SLC35F2: variants seen among roughly 807,000 people sequenced by gnomAD.
SLC35F2 encodes solute carrier family 35 member F2.
SLC35F2 carries 25 observed loss-of-function variants against 38.1 expected under a neutral mutation model. The observed-to-expected ratio is 0.66, with a 90% confidence interval of 0.48 to 0.92. SLC35F2 has a LOEUF of 0.92. SLC35F2 is among the 40% of genes least tolerant of loss of function. The pLI is 0.00. For synonymous variants in SLC35F2, 173 were observed against 181.7 expected (o/e 0.95, Z 0.38); for missense variants, 409 against 452.9 (o/e 0.90, Z 0.88).
chr11:107,791,170 A>G lies in SLC35F2; in HGVS notation c.*1445T>C, dbSNP rs991354068. ...AGAAGTATCATAAAAATCACAGGGC[A>G]TTACAGATTTTTGATAAGAAGTAGT... On this transcript the variant is annotated 3_prime_UTR_variant, in exon 8 of 8. Transcript: ENST00000525815. The G allele has an allele frequency of 1.4e-5, 2 of 145,968 alleles. No individual in the cohort carries two copies. The highest frequency in any genetic ancestry group is 1.9e-4 in the East Asian group (1 of 5,198). The allele number at this position is 145,968 out of a possible 1,614,324, so 9.0% of individuals were successfully genotyped here.
intron 1 of SLC35F2, among the ~76,000 whole-genome samples, chr11:107,830,683 G>A (rs1565436785): frequency 6.6e-6 from 1 of 151,222 alleles, no homozygotes; most frequent in Non-Finnish European, 1.5e-5. Flanking sequence ...AACCCTACAT[G>A]TACCCATGCC....
intron 1 of SLC35F2, among the ~76,000 whole-genome samples, chr11:107,820,704 C>T (rs1859654880): frequency 6.6e-6 from 1 of 152,136 alleles, no homozygotes; most frequent in African/African-American, 2.4e-5. Context: ...GCCTGTAATC[C>T]CACCACTTTG....
rs570512596 is a variant in SLC35F2, at chr11:107,843,375, C to T, written c.110+15283G>A. On this transcript the variant is annotated intron_variant, in intron 1 of 7. Transcript: ENST00000525815. ...CTGAGGTCGGGAGTTCAAGACCAGACTGACCAACATGGAGAAACCCCATCT... is the reference window on the plus strand; with the variant it reads ...CTGAGGTCGGGAGTTCAAGACCAGATTGACCAACATGGAGAAACCCCATCT... Among the ~76,000 whole-genome samples, 147 of 149,632 alleles carry T rather than the reference C, an allele frequency of 9.8e-4. 1 individual carries two copies. Among genetic ancestry groups the T allele is most frequent in the Non-Finnish European group, 1.7e-3 (114 of 67,360 alleles).
At chr11:107,815,715 TAG>T (rs1859561328) in intron 2 of SLC35F2, 73 bp downstream of exon 2, 6 of 1,490,526 alleles carry the variant, frequency 4.0e-6, no homozygotes, top group Admixed American at 4.3e-5. Context: ...TCACAGAATT[TAG>T]AGGTGTCATA....
chr11:107,802,242 A>AAAAAAAAAATAAAATAAAT (rs559048077), intron 7 of SLC35F2, among the ~76,000 whole-genome samples: 4 of 147,892 alleles, frequency 2.7e-5, no homozygotes, highest in South Asian at 2.1e-4. Context: ...CATCTCAAAA[A>AAAAAAAAAATAAAATAAAT]AAATAAATAA....
At chr11:107,829,570 A>G (rs1332832927) in intron 1 of SLC35F2, among the ~76,000 whole-genome samples, 1 of 152,020 alleles carries the variant, frequency 6.6e-6, no homozygotes, top group South Asian at 2.1e-4. Context: ...AGCTATATGA[A>G]ATAAACTTCT....
At chr11:107,844,206 C>G (rs181622623) in intron 1 of SLC35F2, among the ~76,000 whole-genome samples, 257 of 152,176 alleles carry the variant, frequency 1.7e-3, no homozygotes, top group Middle Eastern at 0.01. Context: ...GAGGGGGAAG[C>G]CTGGTTGCAT....
chr11:107,801,459 TAAC>T (rs1227953962), intron 7 of SLC35F2, among the ~76,000 whole-genome samples: 3 of 152,160 alleles, frequency 2.0e-5, no homozygotes, highest in Admixed American at 2.0e-4. Flanking sequence ...ATAAAAATGA[TAAC>T]ATGATGAATT....
chr11:107,802,330 A>AT (rs80253149), intron 7 of SLC35F2, among the ~76,000 whole-genome samples: 6,414 of 152,178 alleles, frequency 0.042, 399 homozygotes, highest in East Asian at 0.28. Context: ...TGAGGATGTT[A>AT]TTTTTTCAAA....
intron 2 of SLC35F2, among the ~76,000 whole-genome samples, chr11:107,815,368 GGCAAA>G (rs1859551918): frequency 6.8e-6 from 1 of 147,530 alleles, no homozygotes; most frequent in African/African-American, 2.5e-5. Flanking sequence ...AGCGCAACAT[GGCAAA>G]AACCCATCTC....
At chr11:107,858,404 C>T (rs1291654910) in intron 1 of SLC35F2, 1 of 343,116 alleles carries the variant, frequency 2.9e-6, no homozygotes. Context: ...GGGTGGGTTT[C>T]CCCCCAAATC....
intron 7 of SLC35F2, among the ~76,000 whole-genome samples, chr11:107,794,893 C>T (rs1027897948): frequency 6.6e-6 from 1 of 152,068 alleles, no homozygotes; most frequent in Non-Finnish European, 1.5e-5. Flanking sequence ...AATCAGTAGC[C>T]TTTCTATACA....
At chr11:107,857,145 G>T (rs190667613) in intron 1 of SLC35F2, among the ~76,000 whole-genome samples, 1 of 142,512 alleles carries the variant, frequency 7.0e-6, no homozygotes, top group East Asian at 2.2e-4. Context: ...GGAAGGGAGG[G>T]AGGGAGACTG....
intron 1 of SLC35F2, among the ~76,000 whole-genome samples, chr11:107,851,435 C>T (rs1860183448): frequency 6.7e-6 from 1 of 148,340 alleles, no homozygotes; most frequent in South Asian, 2.1e-4. Flanking sequence ...TCCACTCCAG[C>T]CTGGGTGACA....
At chr11:107,799,815 G>A (rs1439399657) in intron 7 of SLC35F2, among the ~76,000 whole-genome samples, 2 of 151,672 alleles carry the variant, frequency 1.3e-5, no homozygotes, top group Admixed American at 6.6e-5. Context: ...TGATCTGCCC[G>A]CCTTGGCCTC....
chr11:107,828,954 A>G (rs542217578), intron 1 of SLC35F2, among the ~76,000 whole-genome samples: 42 of 149,904 alleles, frequency 2.8e-4, no homozygotes, highest in African/African-American at 1.0e-3. Context: ...TAAAAATACA[A>G]AAAATTAGCC....
chr11:107,805,972 G>A (rs184474262), intron 4 of SLC35F2, among the ~76,000 whole-genome samples: 5 of 152,232 alleles, frequency 3.3e-5, no homozygotes, highest in East Asian at 1.9e-4. Context: ...GGTAGAGACC[G>A]AGGTTTCACC....
rs559163972 is a variant in SLC35F2, at chr11:107,792,573, C to G, written c.*42G>C. ...GTGTCCCCTCAGCAGGCAGCAGGCTCTGCTTTATCCTGGTGGGGGATGGGT... is the reference window on the plus strand; with the variant it reads ...GTGTCCCCTCAGCAGGCAGCAGGCTGTGCTTTATCCTGGTGGGGGATGGGT... On this transcript the variant is annotated 3_prime_UTR_variant, in exon 8 of 8. Coordinates refer to ENST00000525815, the MANE Select transcript of SLC35F2 (RefSeq NM_017515.5). The G allele has an allele frequency of 1.5e-5, 23 of 1,548,374 alleles. No individual in the cohort carries two copies. Among genetic ancestry groups the G allele is most frequent in the Non-Finnish European group, 1.8e-5 (21 of 1,148,650 alleles).
At chr11:107,802,654 G>C (rs1591186044) in intron 7 of SLC35F2, among the ~76,000 whole-genome samples, 1 of 152,360 alleles carries the variant, frequency 6.6e-6, no homozygotes, top group Middle Eastern at 3.4e-3. Flanking sequence ...GAATGGAAAA[G>C]TTCCTAGTGC....
Sources: allele counts gnomAD v4.1 joint callset (sites outside exome capture counted in the v4.1 genomes callset), GRCh38; gene constraint gnomAD v4.1.1; transcripts MANE v1.5; gene names NCBI Gene and HGNC (gene_info 2026-07-23, HGNC 2026-07-21).